Variants in WDR81 observed in about 807,000 individuals in gnomAD.
WDR81 encodes the protein WD repeat-containing protein 81.
A neutral mutation model predicts 140.8 loss-of-function variants in WDR81; 92 were observed. The observed-to-expected ratio is 0.65, with a 90% CI of 0.55 to 0.78. WDR81 has a LOEUF of 0.78. Among genes scored for constraint, WDR81 ranks in the 30% least tolerant of loss-of-function variants. The pLI is 0.00. For missense variants in WDR81, 2,502 were observed against 2,636.4 expected (o/e 0.95, Z 1.12); for synonymous variants, 1,183 against 1,156.4 (o/e 1.02, Z -0.47).
rs139156426 is a variant in WDR81 at position 1,737,536 on chromosome 17, G to T, written c.5677G>T (p.Val1893Phe). Residue 1893 changes from valine (V) to phenylalanine (F), a missense_variant, in exon 10 of 10, where the codon GTC (valine) becomes TTC (phenylalanine). Physicochemically the swap from Val to Phe is conservative, Grantham distance 50. Transcript: ENST00000409644. ...TGGCACCGTGTCCAACAAGATTGGC[G>T]TCTGCTCCCTGCTTGAGCCACCCTC... ...VTGTVSNKIG[V>F]CSLLEPPSQA... The T allele has an allele frequency of 6.2e-7, 1 of 1,613,050 alleles. No homozygotes were observed. Among genetic ancestry groups the T allele is most frequent in the Admixed American group, 1.7e-5 (1 of 60,016 alleles).
At chr17:1,718,809 C>T (rs1355431932) in intron 1 of WDR81, among the ~76,000 whole-genome samples, 7 of 152,230 alleles carry the variant, frequency 4.6e-5, no homozygotes, top group Admixed American at 2.0e-4. Flanking sequence ...TTCCCACTCA[C>T]GGCCCTTGGG....
chr17:1,726,965 T>C lies in WDR81; in HGVS notation c.2006T>C (p.Ile669Thr), dbSNP rs1480986363. 1.3e-6 allele frequency: 2 copies of C among 1,550,338 alleles called. No homozygotes were observed. Among genetic ancestry groups the C allele is most frequent in the Admixed American group, 3.9e-5 (2 of 50,986 alleles). ...LEQATEALDS[I>T]SLAGKAGDQL... ...CAGGCCACAGAAGCTCTGGATTCCA[T>C]TTCCCTTGCTGGGAAAGCAGGTGAC... The change falls in exon 1 of 10, where the codon ATT (isoleucine) becomes ACT (threonine). Residue 669 changes from isoleucine (I) to threonine (T), a missense_variant. Physicochemically the swap from Ile to Thr is moderately conservative, Grantham distance 89. Around this residue, in one of 3 missense-constraint regions of WDR81, gnomAD observed 1,737 missense variants for 1,843.0 expected, o/e 0.94. Transcript: ENST00000409644.
intron 7 of WDR81, among the ~76,000 whole-genome samples, chr17:1,734,938 T>G (rs909710295): frequency 5.9e-5 from 9 of 151,996 alleles, no homozygotes; most frequent in South Asian, 2.1e-4. Flanking sequence ...GAGGTGGCAT[T>G]GGGTCAGCAG....
At chr17:1,719,228 A>C (rs1567713745) in intron 1 of WDR81, among the ~76,000 whole-genome samples, 1 of 152,194 alleles carries the variant, frequency 6.6e-6, no homozygotes, top group Non-Finnish European at 1.5e-5. Context: ...TGTTGTAGGG[A>C]TTTCAACATT....
At chr17:1,732,252 AAAT>A (rs1465582584) in intron 4 of WDR81, 70 bp from the exon 5 acceptor site, 34 of 1,560,752 alleles carry the variant, frequency 2.2e-5, no homozygotes, top group African/African-American at 1.4e-5. Context: ...AAATAAAAAT[AAAT>A]AAAGATTTTG....
At chr17:1,718,197 A>C (rs568674299) in intron 1 of WDR81, among the ~76,000 whole-genome samples, 1 of 151,484 alleles carries the variant, frequency 6.6e-6, no homozygotes, top group South Asian at 2.1e-4. Flanking sequence ...GGCTCACTGC[A>C]ACCTCCACCT....
Position 1,735,819 on chromosome 17 carries a change from C to T in WDR81, c.5325+102C>T. ...AGAAAGCCAGGATGTTGTTCTGGGG[C>T]CCTAGTTAGTTTCTCTTTGGTGCTA... is the stretch of plus-strand genomic sequence containing the variant. On this transcript the variant is annotated intron_variant, in intron 8 of 9. Coordinates refer to ENST00000409644, the MANE Select transcript of WDR81 (RefSeq NM_001163809.2). The surrounding 1 kb of genome is among the most constrained non-coding windows in gnomAD (Gnocchi z 4.2). The T allele has an allele frequency of 2.7e-6, 4 of 1,466,608 alleles. No homozygotes were observed. The highest frequency in any genetic ancestry group is 2.8e-5 in the African/African-American group (2 of 70,608). 90.8% of individuals were successfully genotyped at this position (1,466,608 alleles called of 1,614,324 possible).
intron 9 of WDR81, among the ~76,000 whole-genome samples, chr17:1,737,114 C>T (rs1019730660): frequency 1.3e-5 from 2 of 152,150 alleles, no homozygotes; most frequent in African/African-American, 4.8e-5. Flanking sequence ...AGGTCAAGGT[C>T]GTCACGTGCA....
At chr17:1,720,574 T>G (rs542228900), upstream of WDR81, among the ~76,000 whole-genome samples, 1 of 152,078 alleles carries the variant, frequency 6.6e-6, no homozygotes, top group East Asian at 1.9e-4. Context: ...GTCAGGAATT[T>G]GAGACCAGCC....
Position 1,730,736 on chromosome 17 carries a change from G to T in WDR81, c.3776-19G>T. The T allele has an allele frequency of 1.3e-6, 2 of 1,597,202 alleles. No homozygotes were observed. ...GGCCCTCCACTGGCGACTCAGGGCTGCTGGCCCTTCCGTGGCAGGACCCAC... is the reference window on the plus strand; with the variant it reads ...GGCCCTCCACTGGCGACTCAGGGCTTCTGGCCCTTCCGTGGCAGGACCCAC... On this transcript the variant is annotated intron_variant, in intron 2 of 9. Coordinates refer to ENST00000409644, the MANE Select transcript of WDR81 (RefSeq NM_001163809.2).
In WDR81 at chr17:1,737,661, C is replaced by T. The variant is rs140678734; in HGVS notation, c.5802C>T (p.Asn1934=). The T allele has an allele frequency of 1.3e-3, 2,132 of 1,610,956 alleles. 24 individuals carry two copies. The African/African-American group carries it at 0.023, about 18-fold the overall frequency. Residue 1934 remains asparagine, a synonymous_variant, in exon 10 of 10, where the codon AAC becomes AAT. Coordinates refer to ENST00000409644, the MANE Select transcript of WDR81 (RefSeq NM_001163809.2). ...GCCACCTCCTGCTGGGCTCAGACAA[C>T]GGGGTTATCCGCCTCCTGGCATAGA... ...TKRHLLLGSD[N]GVIRLLA
chr17:1,717,662 T>A (rs1914650393), intron 1 of WDR81, among the ~76,000 whole-genome samples: 1 of 152,178 alleles, frequency 6.6e-6, no homozygotes, highest in Non-Finnish European at 1.5e-5. Flanking sequence ...CTTACCCTCC[T>A]CCATCCCCTT....
At chr17:1,730,686 A>C in intron 2 of WDR81, 69 bp from the exon 3 acceptor site, 1 of 1,520,426 alleles carries the variant, frequency 6.6e-7, no homozygotes, top group Non-Finnish European at 8.8e-7. Flanking sequence ...CGGCCAGCAC[A>C]GCCCTGCAGG....
chr17:1,728,485 A>C lies in WDR81; in HGVS notation c.3526A>C (p.Thr1176Pro), dbSNP rs774222660. 2.5e-6 allele frequency: 4 copies of C among 1,602,524 alleles called. No homozygotes were observed. Among genetic ancestry groups the C allele is most frequent in the Non-Finnish European group, 3.4e-6 (4 of 1,173,934 alleles). ...GGAGGAGGGGGAGCAGGAGGAGGTC[A>C]CCGGGGCATCTGAGCTCACTCTGTC... Reference protein sequence around the residue: ...EEEEGEQEEVTGASELTLSDT... With the variant: ...EEEEGEQEEVPGASELTLSDT... The change falls in exon 1 of 10, where the codon ACC (threonine) becomes CCC (proline). Residue 1176 changes from threonine to proline, a missense_variant. Thr to Pro is a conservative substitution (Grantham distance 38). Coordinates refer to ENST00000409644, the MANE Select transcript of WDR81 (RefSeq NM_001163809.2).
In WDR81 at chr17:1,728,554, G is replaced by C. The variant is rs369944815; in HGVS notation, c.3595G>C (p.Gly1199Arg). The C allele has an allele frequency of 7.2e-6, 11 of 1,527,118 alleles. No individual in the cohort carries two copies. Among genetic ancestry groups the C allele is most frequent in the Admixed American group, 2.1e-5 (1 of 48,520 alleles). The allele number at this position is 1,527,118 out of a possible 1,614,324, so 94.6% of individuals were successfully genotyped here. ...GGAGACGGTTGTGGCCGGCGGCAGT[G>C]GGGGAGATGGAGAAGAAGAGGAGGA... ...SMETVVAGGS[G>R]GDGEEEEEAL... is the part of the protein sequence containing the mutation. Residue 1199 changes from glycine (G) to arginine (R), a missense_variant, in exon 1 of 10, where the codon GGG becomes CGG. Around this residue, in one of 3 missense-constraint regions of WDR81, gnomAD observed 1,737 missense variants for 1,843.0 expected, o/e 0.94. Coordinates refer to ENST00000409644, the MANE Select transcript of WDR81 (RefSeq NM_001163809.2).
rs375136150 is a variant in WDR81, at chr17:1,728,372, G to A, written c.3413G>A (p.Arg1138Gln). Residue 1138 changes from arginine (R) to glutamine (Q), a missense_variant, in exon 1 of 10, where the codon CGA becomes CAA. Around this residue, in one of 3 missense-constraint regions of WDR81, gnomAD observed 1,737 missense variants for 1,843.0 expected, o/e 0.94. Transcript: ENST00000409644. ...GGAPVDKSSL[R>Q]SGDSSQDLKQ... Reference sequence around the variant, plus strand: ...GCCCCCGTGGACAAGAGCAGCCTTCGATCAGGTGACAGCAGCCAGGACTTG... The same window carrying A: ...GCCCCCGTGGACAAGAGCAGCCTTCAATCAGGTGACAGCAGCCAGGACTTG... 6.8e-6 allele frequency: 11 copies of A among 1,612,980 alleles called. No homozygotes were observed. The African/African-American group carries it at 8.0e-5, about 12-fold the overall frequency.
Position 1,726,290 on chromosome 17 carries a change from T to C in WDR81, c.1331T>C (p.Val444Ala). Reference protein sequence around the residue: ...PPHVPHHISDVLSDITYYVYK... With the variant: ...PPHVPHHISDALSDITYYVYK... ...CATGTTCCCCACCACATCTCAGACG[T>C]GCTCTCCGACATCACGTACTATGTG... The change falls in exon 1 of 10, where the codon GTG becomes GCG. Residue 444 changes from valine (V) to alanine (A), a missense_variant. Around this residue, in one of 3 missense-constraint regions of WDR81, gnomAD observed 218 missense variants for 279.6 expected, o/e 0.78. Coordinates refer to ENST00000409644, the MANE Select transcript of WDR81 (RefSeq NM_001163809.2). The C allele has an allele frequency of 2.6e-6, 4 of 1,542,350 alleles. No homozygotes were observed. Among genetic ancestry groups the C allele is most frequent in the Non-Finnish European group, 2.6e-6 (3 of 1,141,886 alleles).
chr17:1,726,355 C>G lies in WDR81; in HGVS notation c.1396C>G (p.His466Asp). 1.3e-6 allele frequency: 2 copies of G among 1,547,722 alleles called. No homozygotes were observed. The highest frequency in any genetic ancestry group is 1.7e-6 in the Non-Finnish European group (2 of 1,145,186). Reference sequence around the variant, plus strand: ...CACGCCTCGGTCGGTGCTCTGCGGACACGTCCGCGCGCAGTGGGAGCCCCA... The same window carrying G: ...CACGCCTCGGTCGGTGCTCTGCGGAGACGTCCGCGCGCAGTGGGAGCCCCA... ...RRTPRSVLCG[H>D]VRAQWEPHEY... Residue 466 changes from histidine to aspartate, a missense_variant, in exon 1 of 10, where the codon CAC becomes GAC. Physicochemically the swap from His to Asp is moderately conservative, Grantham distance 81. Coordinates refer to ENST00000409644, the MANE Select transcript of WDR81 (RefSeq NM_001163809.2).
At chr17:1,729,246 G>A (rs1025565157) in intron 1 of WDR81, among the ~76,000 whole-genome samples, 3 of 152,060 alleles carry the variant, frequency 2.0e-5, no homozygotes, top group Admixed American at 1.3e-4. Flanking sequence ...TTGGGAGGCC[G>A]AGGCAGGAGG....
Sources: allele counts gnomAD v4.1 joint callset (sites outside exome capture counted in the v4.1 genomes callset), GRCh38; gene constraint gnomAD v4.1.1; regional missense constraint gnomAD v4.1.1; non-coding constraint Gnocchi (gnomAD v3.1); transcripts MANE v1.5; gene names NCBI Gene and HGNC (gene_info 2026-07-23, HGNC 2026-07-21).